Variants in HERC3 observed in about 807,000 individuals in gnomAD.
HERC3 encodes probable E3 ubiquitin-protein ligase HERC3.
HERC3 carries 58 observed loss-of-function variants against 129.9 expected under a neutral mutation model. That is an observed-to-expected ratio of 0.45 (90% CI 0.36 to 0.56). HERC3 has a LOEUF of 0.56. HERC3 is among the 20% of genes least tolerant of loss of function. The probability of loss-of-function intolerance (pLI) is 0.00; values close to 1 mark genes in which losing one functional copy is unlikely to be tolerated. For missense variants in HERC3, 835 were observed against 1,244.2 expected (o/e 0.67, Z 4.95); for synonymous variants, 430 against 451.0 (o/e 0.95, Z 0.59).
Position 88,680,005 on chromosome 4 carries a change from G to T in HERC3, c.2197-88G>T. ...TTCTTTGTTATGCTTTCCTTCCTTTGTCCTGAGTTTAGAAAATGGTCTGCT... is the reference window on the plus strand; with the variant it reads ...TTCTTTGTTATGCTTTCCTTCCTTTTTCCTGAGTTTAGAAAATGGTCTGCT... On this transcript the variant is annotated intron_variant, in intron 19 of 25. Transcript: ENST00000402738. 4 of 1,155,668 alleles carry T rather than the reference G, an allele frequency of 3.5e-6. No homozygotes were observed. The South Asian group carries it at 5.0e-5, about 15-fold the overall frequency. 71.6% of individuals were successfully genotyped at this position (1,155,668 alleles called of 1,614,324 possible). A position where few individuals can be genotyped will look rare whatever the true frequency, so the allele number is the denominator to read the frequency against.
intron 3 of HERC3, among the ~76,000 whole-genome samples, chr4:88,615,546 A>T (rs532976018): frequency 6.6e-6 from 1 of 152,288 alleles, no homozygotes; most frequent in East Asian, 1.9e-4. Flanking sequence ...GAATAATTTT[A>T]ATTTAGAGTA....
At chr4:88,704,373 T>C (rs1396853787) in intron 24 of HERC3, 92 bp downstream of exon 24, 1 of 1,387,458 alleles carries the variant, frequency 7.2e-7, no homozygotes, top group African/African-American at 1.4e-5. Context: ...GTTCCAAGCA[T>C]ACTGTGGTTG....
intron 3 of HERC3, among the ~76,000 whole-genome samples, chr4:88,639,325 T>A (rs1438936103): frequency 6.6e-6 from 1 of 152,202 alleles, no homozygotes; most frequent in Non-Finnish European, 1.5e-5. Context: ...AGCATCATGT[T>A]ACCTGATTTC....
chr4:88,558,836 T>C, the HERC3 span, among the ~76,000 whole-genome samples: 175 of 150,450 alleles, frequency 1.2e-3, no homozygotes, highest in African/African-American at 3.0e-3. Flanking sequence ...GGCATGATGG[T>C]GGGCGCCTGT....
the HERC3 span, among the ~76,000 whole-genome samples, chr4:88,561,619 C>T: frequency 2.5e-4 from 38 of 152,188 alleles, no homozygotes; most frequent in African/African-American, 8.9e-4. Context: ...ATTCTAGCTA[C>T]ATTTTTGTAC....
chr4:88,659,233 G>A (rs1001618025), intron 10 of HERC3, among the ~76,000 whole-genome samples: 2 of 152,108 alleles, frequency 1.3e-5, no homozygotes, highest in African/African-American at 4.8e-5. Context: ...GACCAGCTCC[G>A]AGTGGTGCAT....
At chr4:88,675,711 G>A (rs1164371051) in intron 16 of HERC3, among the ~76,000 whole-genome samples, 1 of 151,440 alleles carries the variant, frequency 6.6e-6, no homozygotes, top group African/African-American at 2.4e-5. Context: ...TAAGTGCTGA[G>A]TCAGTGACAG....
In HERC3 at chr4:88,638,165, A is replaced by G. The variant is rs573420328; in HGVS notation, c.227-11675A>G. Among the ~76,000 whole-genome samples the G allele has an allele frequency of 2.6e-5, 4 of 152,338 alleles. No individual in the cohort carries two copies. In the East Asian group the frequency reaches 7.7e-4, roughly 29 times the overall value. On this transcript the variant is annotated intron_variant, in intron 3 of 25. Transcript: ENST00000402738. ...ACAGCTGAATTCTACCAGAGGTACA[A>G]AGAGGAGCTGGTATCATTCCTTCAG...
chr4:88,648,003 T>G (rs1728882667), intron 3 of HERC3, among the ~76,000 whole-genome samples: 1 of 152,192 alleles, frequency 6.6e-6, no homozygotes, highest in Non-Finnish European at 1.5e-5. Flanking sequence ...AGTTAATCTT[T>G]TAAATAAAAT....
the HERC3 span, among the ~76,000 whole-genome samples, chr4:88,538,545 C>CTT: frequency 2.9e-3 from 375 of 129,772 alleles, 4 homozygotes; most frequent in Non-Finnish European, 3.2e-3. Flanking sequence ...CCAATTTCCT[C>CTT]TTTTTTTTTT....
intron 3 of HERC3, among the ~76,000 whole-genome samples, chr4:88,619,788 T>C (rs28413084): frequency 0.097 from 14,712 of 152,258 alleles, 1,086 homozygotes; most frequent in South Asian, 0.23. Flanking sequence ...TGTAATAAAA[T>C]GGACATTTTA....
In HERC3 at chr4:88,652,940, G is replaced by A; in HGVS notation, c.535G>A (p.Ala179Thr). 6.2e-7 allele frequency: 1 copy of A among 1,614,108 alleles called. No homozygotes were observed. The highest frequency in any genetic ancestry group is 1.1e-5 in the South Asian group (1 of 91,078). The change falls in exon 6 of 26, where the codon GCC (alanine) becomes ACC (threonine). Residue 179 changes from alanine (A) to threonine (T), a missense_variant. Coordinates refer to ENST00000402738, the MANE Select transcript of HERC3 (RefSeq NM_014606.3). ...CTTAGGGAAGGAGTTCCCCTCCCAA[G>A]CCAGCCCACAGAGGGTGAGGTCCCT... is the stretch of plus-strand genomic sequence containing the variant. ...LGLGKEFPSQ[A>T]SPQRVRSLEG... is the part of the protein sequence containing the mutation.
chr4:88,583,437 C>G, the HERC3 span, among the ~76,000 whole-genome samples: 1 of 147,424 alleles, frequency 6.8e-6, no homozygotes, highest in Admixed American at 6.7e-5. Flanking sequence ...GAGACTCCTT[C>G]TCAAAAAAAA....
chr4:88,621,962 A>G (rs1725565813), intron 3 of HERC3, among the ~76,000 whole-genome samples: 1 of 152,324 alleles, frequency 6.6e-6, no homozygotes, highest in Non-Finnish European at 1.5e-5. Context: ...ACTGTGACAC[A>G]TTTTTGTTTT....
chr4:88,595,421 G>T (rs992412216), intron 1 of HERC3, 136 bp from the exon 2 acceptor site: 1 of 152,236 alleles, frequency 6.6e-6, no homozygotes, highest in South Asian at 2.1e-4. Context: ...GATACAATGC[G>T]TGGGGAATAT....
intron 24 of HERC3, 36 bp downstream of exon 24, chr4:88,704,317 G>A (rs371122225): frequency 5.6e-6 from 9 of 1,601,260 alleles, no homozygotes; most frequent in East Asian, 2.2e-5. Context: ...CTTTAACTCC[G>A]GCGAAGCAGC....
chr4:88,561,486 G>A, the HERC3 span, among the ~76,000 whole-genome samples: 1 of 152,034 alleles, frequency 6.6e-6, no homozygotes, highest in Non-Finnish European at 1.5e-5. Flanking sequence ...ATCATCTCAA[G>A]CATTTATCAT....
At chr4:88,603,561 G>T (rs183053784) in intron 2 of HERC3, among the ~76,000 whole-genome samples, 256 of 152,202 alleles carry the variant, frequency 1.7e-3, no homozygotes, top group African/African-American at 5.9e-3. Context: ...GTTTTATAAG[G>T]CATGCTTGGG....
At chr4:88,540,553 C>G in the HERC3 span, among the ~76,000 whole-genome samples, 1 of 152,140 alleles carries the variant, frequency 6.6e-6, no homozygotes, top group Non-Finnish European at 1.5e-5. Flanking sequence ...CTTCCCTCAC[C>G]TAGGAAGGCA....
Sources: allele counts gnomAD v4.1 joint callset (sites outside exome capture counted in the v4.1 genomes callset), GRCh38; gene constraint gnomAD v4.1.1; transcripts MANE v1.5; gene names NCBI Gene and HGNC (gene_info 2026-07-23, HGNC 2026-07-21).